CNGA1: variants seen among roughly 807,000 people sequenced by gnomAD.
The protein encoded by CNGA1 is cyclic nucleotide gated channel subunit alpha 1, also known as cyclic nucleotide-gated channel alpha-1.
Under a neutral mutation model 69.7 loss-of-function variants are expected in CNGA1, and 53 were observed. That is an observed-to-expected ratio of 0.76 (90% confidence interval 0.61 to 0.96). The LOEUF is 0.96. Ranked by LOEUF, CNGA1 falls within the 40% of genes least tolerant of loss-of-function variation. The pLI is 0.00. For missense variants in CNGA1, 739 were observed against 811.2 expected, an observed-to-expected ratio of 0.91 and a Z score of 1.08; for synonymous variants, 249 against 283.5, an observed-to-expected ratio of 0.88 and a Z score of 1.22.
intron 3 of CNGA1, among the ~76,000 whole-genome samples, chr4:47,976,918 A>C (rs935820189): frequency 1.4e-4 from 21 of 152,226 alleles, no homozygotes; most frequent in Non-Finnish European, 2.9e-4. Context: ...TCACGTGTGC[A>C]TAGGCCAACT....
chr4:47,959,056 C>T (rs188347010), intron 3 of CNGA1: 8 of 152,046 alleles, frequency 5.3e-5, no homozygotes, highest in East Asian at 1.9e-4. Flanking sequence ...AAAATGTTTG[C>T]GAAGAAGATT....
intron 2 of CNGA1, among the ~76,000 whole-genome samples, chr4:47,994,963 G>A (rs1441076984): frequency 6.6e-6 from 1 of 152,070 alleles, no homozygotes; most frequent in Non-Finnish European, 1.5e-5. Flanking sequence ...ATACACAATT[G>A]TTGGCTGATA....
chr4:47,958,539 T>C (rs895768182), intron 3 of CNGA1, among the ~76,000 whole-genome samples: 7 of 151,802 alleles, frequency 4.6e-5, no homozygotes, highest in Non-Finnish European at 8.8e-5. Context: ...GGAGAATCAT[T>C]GGAACCCAGA....
intron 2 of CNGA1, among the ~76,000 whole-genome samples, chr4:47,989,074 TCAC>T (rs1327402691): frequency 1.3e-5 from 2 of 152,164 alleles, no homozygotes. Flanking sequence ...GTCAAGAGTA[TCAC>T]CTTGGGACAT....
intron 4 of CNGA1, 65 bp from the exon 5 acceptor site, chr4:47,951,534 T>G: frequency 9.8e-7 from 1 of 1,017,178 alleles, no homozygotes; most frequent in Non-Finnish European, 1.6e-6. Flanking sequence ...AGAGGCAACA[T>G]TCCTCACTAG....
At chr4:47,964,376 T>C (rs765983305) in intron 3 of CNGA1, among the ~76,000 whole-genome samples, 2 of 152,044 alleles carry the variant, frequency 1.3e-5, no homozygotes, top group African/African-American at 2.4e-5. Context: ...GAAAAATGAG[T>C]CCTTCTCTTG....
chr4:48,015,403 T>A (rs1715336900), intron 1 of CNGA1, among the ~76,000 whole-genome samples: 1 of 152,176 alleles, frequency 6.6e-6, no homozygotes, highest in Non-Finnish European at 1.5e-5. Flanking sequence ...CTCATCCGCC[T>A]AAGAACAAGA....
intron 3 of CNGA1, among the ~76,000 whole-genome samples, chr4:47,955,685 T>G (rs1298259798): frequency 6.6e-6 from 1 of 152,224 alleles, no homozygotes; most frequent in Admixed American, 6.5e-5. Context: ...TCCAGGCCAC[T>G]GACTCCTCGC....
In CNGA1 at chr4:47,951,481, T is replaced by C. The variant is rs780833864; in HGVS notation, c.108-12A>G. The C allele has an allele frequency of 1.5e-5, 23 of 1,550,060 alleles. No homozygotes were observed. Among genetic ancestry groups the C allele is most frequent in the East Asian group, 2.2e-5 (1 of 44,546 alleles). ...CCTCAGAAAAGGAGCTACAGTCCAA[T>C]AGGAGGCAGAGAGAGAAGAGTTAAT... On this transcript the variant is annotated splice_polypyrimidine_tract_variant and intron_variant, in intron 4 of 10. Coordinates refer to ENST00000514170, the MANE Select transcript of CNGA1 (RefSeq NM_001379270.1).
chr4:47,972,163 T>C (rs1741082025), intron 3 of CNGA1, among the ~76,000 whole-genome samples: 1 of 152,210 alleles, frequency 6.6e-6, no homozygotes, highest in South Asian at 2.1e-4. Flanking sequence ...TTGGAAATTA[T>C]CTATGCTAAT....
chr4:47,999,464 T>C (rs972523983), intron 2 of CNGA1, among the ~76,000 whole-genome samples: 1 of 152,212 alleles, frequency 6.6e-6, no homozygotes, highest in African/African-American at 2.4e-5. Flanking sequence ...CAATATGGAC[T>C]AATAATGTCT....
At chr4:47,952,502 A>G in intron 4 of CNGA1, 81 bp downstream of exon 4, 1 of 1,475,868 alleles carries the variant, frequency 6.8e-7, no homozygotes, top group Non-Finnish European at 9.4e-7. Flanking sequence ...ACAAATTATA[A>G]AGCTAAATTG....
At position 47,949,846 on chromosome 4, in the gene CNGA1, T is replaced by C. The variant is rs768687517; in HGVS notation, c.274A>G (p.Ser92Gly). Residue 92 changes from serine (S) to glycine (G), a missense_variant, in exon 6 of 11, where the codon AGC (serine) becomes GGC (glycine). Coordinates refer to ENST00000514170, the MANE Select transcript of CNGA1 (RefSeq NM_001379270.1). Reference sequence around the variant, plus strand: ...AAATATACTTACTGGTCCTTATTGCTGCTGTTGTTCACATTAAAAAGTGCA... The same window carrying C: ...AAATATACTTACTGGTCCTTATTGCCGCTGTTGTTCACATTAAAAAGTGCA... ...AIALFNVNNS[S>G]NKDQEPEEKK... 1 of 1,614,072 alleles carries C rather than the reference T, an allele frequency of 6.2e-7. No individual in the cohort carries two copies. The highest frequency in any genetic ancestry group is 8.5e-7 in the Non-Finnish European group (1 of 1,179,924).
intron 3 of CNGA1, among the ~76,000 whole-genome samples, chr4:47,976,272 CAT>C (rs1361824456): frequency 2.5e-4 from 4 of 15,938 alleles, no homozygotes; most frequent in African/African-American, 1.3e-3. Context: ...TATATATATA[CAT>C]ATATATGTAT....
chr4:47,990,836 A>T (rs2661546), intron 2 of CNGA1, among the ~76,000 whole-genome samples: 26,696 of 152,130 alleles, frequency 0.18, 2,526 homozygotes, highest in Middle Eastern at 0.24. Flanking sequence ...CCCCCAAAAC[A>T]TTCTTATGCT....
chr4:48,015,122 G>A (rs1243490831), intron 1 of CNGA1, among the ~76,000 whole-genome samples: 1 of 152,190 alleles, frequency 6.6e-6, no homozygotes, highest in Admixed American at 6.5e-5. Flanking sequence ...AGCTTGCAGT[G>A]AGCCGAGATC....
intron 3 of CNGA1, among the ~76,000 whole-genome samples, chr4:47,962,569 G>A (rs55693442): frequency 0.33 from 50,442 of 151,760 alleles, 10,210 homozygotes; most frequent in Non-Finnish European, 0.45. Context: ...ATTTCCTCAG[G>A]TTCTTACAGA....
Position 47,943,380 on chromosome 4 carries a change from T to C in CNGA1, c.320A>G (p.Glu107Gly). The change falls in exon 7 of 11, where the codon GAA becomes GGA. Residue 107 changes from glutamate to glycine, a missense_variant. By Grantham distance (98) the Glu-to-Gly change is moderately conservative. Transcript: ENST00000514170. The part of the protein sequence containing the change: ...EPEEKKKKKK[E>G]KKSKSDDKNE... ...CTTGCCAAAGTCTTACCTCTTCTTT[T>C]CTTTTTTCTTTTTCTTTTTTTCTTC... is the stretch of plus-strand genomic sequence containing the variant. The C allele has an allele frequency of 1.3e-6, 2 of 1,519,028 alleles. No individual in the cohort carries two copies. Among genetic ancestry groups the C allele is most frequent in the Non-Finnish European group, 1.8e-6 (2 of 1,132,436 alleles). 94.1% of individuals were successfully genotyped at this position (1,519,028 alleles called of 1,614,324 possible).
chr4:47,969,449 TTTTG>T (rs1295041716), intron 3 of CNGA1, among the ~76,000 whole-genome samples: 7 of 152,014 alleles, frequency 4.6e-5, no homozygotes, highest in African/African-American at 4.8e-5. Context: ...AAACTCAGTT[TTTTG>T]TTTGTTTTTT....
Sources: gnomAD v4.1 joint callset for allele counts (sites outside exome capture counted in the v4.1 genomes callset) on GRCh38, gnomAD v4.1.1 for gene constraint, MANE v1.5 for transcripts, NCBI Gene and HGNC (gene_info 2026-07-23, HGNC 2026-07-21) for gene names.